The following DPT variants were observed in gnomAD, a reference collection of about 807,000 sequenced individuals.
The protein encoded by DPT is tyrosine-rich acidic matrix protein.
In DPT, 21 loss-of-function variants were observed where a neutral mutation model predicts 31.2. The ratio of observed to expected loss-of-function variants is 0.67; its 90% confidence interval spans 0.48 to 0.97. The LOEUF (loss-of-function observed/expected upper bound fraction) is 0.97. DPT is among the 50% of genes least tolerant of loss of function. The pLI is 0.00. For missense variants in DPT, 262 were observed against 258.8 expected (o/e 1.01, Z -0.08); for synonymous variants, 91 against 86.9 (o/e 1.05, Z -0.26).
At position 168,696,393 on chromosome 1, in the gene DPT, G is replaced by C. The variant is rs1180181335; in HGVS notation, c.*156C>G. ...TTTATTAGAAGTGTGATACTAGTCA[G>C]AAAGGCCCAGGAAGTTGGCATTGCA... On this transcript the variant is annotated 3_prime_UTR_variant, in exon 4 of 4. Transcript: ENST00000367817. The C allele has an allele frequency of 1.6e-6, 1 of 619,978 alleles. No homozygotes were observed. The allele number at this position is 619,978 out of a possible 1,614,324, so 38.4% of individuals were successfully genotyped here.
chr1:168,727,103 C>A (rs1650263311), intron 1 of DPT, among the ~76,000 whole-genome samples: 1 of 152,212 alleles, frequency 6.6e-6, no homozygotes, highest in African/African-American at 2.4e-5. Flanking sequence ...AAGAACTGCC[C>A]TGAATCTGGT....
At chr1:168,710,763 G>A (rs1649835866) in intron 2 of DPT, among the ~76,000 whole-genome samples, 1 of 152,032 alleles carries the variant, frequency 6.6e-6, no homozygotes, top group African/African-American at 2.4e-5. Context: ...GGTGACCACT[G>A]GAAATCTGGG....
At chr1:168,697,101 A>G (rs1649484104) in intron 3 of DPT, among the ~76,000 whole-genome samples, 1 of 152,028 alleles carries the variant, frequency 6.6e-6, no homozygotes, top group East Asian at 1.9e-4. Context: ...GACTCCACAA[A>G]AAAATACAAA....
chr1:168,723,560 A>G (rs754931143), intron 1 of DPT, among the ~76,000 whole-genome samples: 1 of 152,222 alleles, frequency 6.6e-6, no homozygotes, highest in Non-Finnish European at 1.5e-5. Flanking sequence ...ATGTAAAGTT[A>G]TGGATTTCTC....
chr1:168,716,677 C>T (rs1649993375), intron 1 of DPT, among the ~76,000 whole-genome samples: 1 of 152,112 alleles, frequency 6.6e-6, no homozygotes, highest in African/African-American at 2.4e-5. Context: ...CATGCATTAG[C>T]TATTTGTCCT....
At chr1:168,723,674 A>G (rs1450922713) in intron 1 of DPT, among the ~76,000 whole-genome samples, 1 of 152,188 alleles carries the variant, frequency 6.6e-6, no homozygotes, top group Non-Finnish European at 1.5e-5. Flanking sequence ...CCTGACAGCA[A>G]TGTTTTTATT....
chr1:168,709,082 G>T (rs373517733), intron 2 of DPT, among the ~76,000 whole-genome samples: 4 of 152,166 alleles, frequency 2.6e-5, no homozygotes, highest in South Asian at 2.1e-4. Flanking sequence ...AAAAGTAAAG[G>T]TTACCTAAAT....
chr1:168,701,017 C>T lies in DPT; in HGVS notation c.539G>A (p.Arg180Lys). Residue 180 changes from arginine (R) to lysine (K), a missense_variant and splice_region_variant, in exon 3 of 4, where the codon AGG (arginine) becomes AAG (lysine). Transcript: ENST00000367817. The part of the protein sequence containing the change: ...GATTTFSAVE[R>K]DRQWKFIMCR... ...ATTGGGAAGGGGCTGTCTTTCTCAC[C>T]TTTCCACTGCAGAGAAAGTGGTTGT... The T allele has an allele frequency of 6.2e-7, 1 of 1,611,940 alleles. No individual in the cohort carries two copies. The highest frequency in any genetic ancestry group is 1.7e-5 in the Admixed American group (1 of 59,950).
chr1:168,704,345 C>G (rs1329281725), intron 2 of DPT, among the ~76,000 whole-genome samples: 1 of 152,218 alleles, frequency 6.6e-6, no homozygotes, highest in Non-Finnish European at 1.5e-5. Context: ...ACTTTTCAAA[C>G]ATTTCTATGG....
intron 1 of DPT, among the ~76,000 whole-genome samples, chr1:168,723,675 T>C (rs1557851770): frequency 6.6e-6 from 1 of 152,210 alleles, no homozygotes; most frequent in African/African-American, 2.4e-5. Context: ...CTGACAGCAA[T>C]GTTTTTATTC....
At chr1:168,716,516 A>G (rs1331926463) in intron 1 of DPT, among the ~76,000 whole-genome samples, 1 of 151,738 alleles carries the variant, frequency 6.6e-6, no homozygotes, top group East Asian at 1.9e-4. Flanking sequence ...TGTGTAGTTT[A>G]TTATACATGT....
intron 1 of DPT, among the ~76,000 whole-genome samples, chr1:168,723,183 C>T (rs775462506): frequency 6.6e-6 from 1 of 152,208 alleles, no homozygotes; most frequent in Non-Finnish European, 1.5e-5. Context: ...TTTAGGTCAG[C>T]ACTCACTATG....
At chr1:168,720,762 G>A (rs113021475) in intron 1 of DPT, among the ~76,000 whole-genome samples, 76 of 152,212 alleles carry the variant, frequency 5.0e-4, no homozygotes, top group African/African-American at 1.5e-3. Context: ...TTTCTTTCCC[G>A]CCCCAAAGGT....
chr1:168,714,172 C>T (rs1649927594), intron 2 of DPT, 49 bp downstream of exon 2: 1 of 1,612,142 alleles, frequency 6.2e-7, no homozygotes, highest in Non-Finnish European at 8.5e-7. Flanking sequence ...TTCCTAGGTG[C>T]CTCTCCCACC....
At chr1:168,721,224 T>C (rs531070562) in intron 1 of DPT, among the ~76,000 whole-genome samples, 2 of 152,334 alleles carry the variant, frequency 1.3e-5, no homozygotes, top group Admixed American at 6.5e-5. Context: ...CCTTCAAAGT[T>C]CTGGATTTCT....
chr1:168,714,159 C>A, intron 2 of DPT, 62 bp downstream of exon 2: 1 of 1,608,628 alleles, frequency 6.2e-7, no homozygotes, highest in Non-Finnish European at 8.5e-7. Flanking sequence ...GAAGCTAGAG[C>A]ACTTCCTAGG....
At chr1:168,714,920 A>G (rs1016722723) in intron 1 of DPT, among the ~76,000 whole-genome samples, 2 of 152,160 alleles carry the variant, frequency 1.3e-5, no homozygotes, top group Non-Finnish European at 2.9e-5. Flanking sequence ...TGGGACCACA[A>G]CCCAGATTCT....
intron 3 of DPT, among the ~76,000 whole-genome samples, chr1:168,699,291 T>A (rs1649534203): frequency 6.6e-6 from 1 of 152,140 alleles, no homozygotes; most frequent in African/African-American, 2.4e-5. Flanking sequence ...TGACAACCCA[T>A]GTTCTTTGAG....
intron 1 of DPT, among the ~76,000 whole-genome samples, chr1:168,722,558 T>C (rs1023614546): frequency 1.2e-4 from 18 of 152,192 alleles, no homozygotes; most frequent in Non-Finnish European, 2.2e-4. Context: ...TCCTATAAAA[T>C]GGGTTCAAAT....
Sources: allele counts gnomAD v4.1 joint callset (sites outside exome capture counted in the v4.1 genomes callset), GRCh38; gene constraint gnomAD v4.1.1; transcripts MANE v1.5; gene names NCBI Gene and HGNC (gene_info 2026-07-23, HGNC 2026-07-21).